Variants in BBX observed in about 807,000 individuals in gnomAD.
The protein encoded by BBX is BBX high mobility group box domain containing, also known as HMG box transcription factor BBX.
BBX carries 30 observed loss-of-function variants against 100.2 expected under a neutral mutation model. The ratio of observed to expected loss-of-function variants is 0.30; its 90% CI spans 0.22 to 0.41. BBX has a LOEUF of 0.41. BBX is among the 10% of genes least tolerant of loss of function. The pLI is 1.00. For synonymous variants in BBX, 376 were observed against 388.1 expected (o/e 0.97, Z 0.37); for missense variants, 1,023 against 1,129.8 (o/e 0.91, Z 1.35).
chr3:107,707,991 T>C (rs894746578), intron 3 of BBX, among the ~76,000 whole-genome samples: 13 of 152,200 alleles, frequency 8.5e-5, no homozygotes, highest in Non-Finnish European at 4.4e-5. Context: ...TGATTTCTTT[T>C]ACTGTTTAAA....
At chr3:107,604,223 A>G (rs2054267953) in intron 2 of BBX, among the ~76,000 whole-genome samples, 1 of 152,108 alleles carries the variant, frequency 6.6e-6, no homozygotes, top group Admixed American at 6.6e-5. Context: ...TTGCCTGAAC[A>G]TTCCTAGTGC....
At chr3:107,640,612 C>G (rs1276287978) in intron 2 of BBX, among the ~76,000 whole-genome samples, 2 of 151,782 alleles carry the variant, frequency 1.3e-5, no homozygotes, top group East Asian at 3.8e-4. Context: ...GATCACCCAA[C>G]TAGATCTCAT....
chr3:107,746,243 G>A (rs2064591075), intron 8 of BBX, among the ~76,000 whole-genome samples: 1 of 152,088 alleles, frequency 6.6e-6, no homozygotes, highest in Admixed American at 6.6e-5. Context: ...AGGGTTGGTA[G>A]GGATGAAAAG....
intron 10 of BBX, among the ~76,000 whole-genome samples, chr3:107,761,088 C>T (rs746221668): frequency 2.0e-5 from 3 of 152,162 alleles, no homozygotes; most frequent in Non-Finnish European, 4.4e-5. Context: ...TAAATTTGCT[C>T]ATTTCCCTCC....
intron 3 of BBX, among the ~76,000 whole-genome samples, chr3:107,649,448 A>G (rs545745179): frequency 2.5e-4 from 38 of 152,326 alleles, no homozygotes; most frequent in Admixed American, 2.2e-3. Flanking sequence ...TCATTGTAGT[A>G]TAGGGCTAAT....
At chr3:107,741,665 T>C (rs561927468) in intron 7 of BBX, among the ~76,000 whole-genome samples, 126 of 152,330 alleles carry the variant, frequency 8.3e-4, no homozygotes, top group African/African-American at 2.9e-3. Context: ...AGCATAGGAA[T>C]AGATATTACA....
chr3:107,605,087 C>T (rs1450803508), intron 2 of BBX, among the ~76,000 whole-genome samples: 2 of 152,158 alleles, frequency 1.3e-5, no homozygotes, highest in Non-Finnish European at 2.9e-5. Flanking sequence ...TACATGATAA[C>T]CATTGCATTC....
intron 13 of BBX, among the ~76,000 whole-genome samples, chr3:107,779,235 C>T (rs563376561): frequency 1.3e-5 from 2 of 151,712 alleles, no homozygotes; most frequent in African/African-American, 4.8e-5. Flanking sequence ...TCAGTGCTCT[C>T]ATCACCTGAG....
At chr3:107,697,853 C>T (rs9879617) in intron 3 of BBX, among the ~76,000 whole-genome samples, 2 of 151,818 alleles carry the variant, frequency 1.3e-5, no homozygotes, top group South Asian at 2.1e-4. Context: ...AGGGAGACTC[C>T]GTGGGCGTAC....
At chr3:107,651,232 A>T (rs900957296) in intron 3 of BBX, among the ~76,000 whole-genome samples, 8 of 152,310 alleles carry the variant, frequency 5.3e-5, no homozygotes, top group African/African-American at 1.7e-4. Context: ...TTTCTACGTG[A>T]TTTAGTCTAT....
intron 3 of BBX, among the ~76,000 whole-genome samples, chr3:107,695,771 G>C (rs1244779318): frequency 6.6e-6 from 1 of 151,422 alleles, no homozygotes; most frequent in African/African-American, 2.4e-5. Context: ...CTGTCTTGTT[G>C]ATCTGTCTAA....
intron 3 of BBX, among the ~76,000 whole-genome samples, chr3:107,661,144 G>A (rs1382643752): frequency 6.6e-6 from 1 of 151,986 alleles, no homozygotes; most frequent in African/African-American, 2.4e-5. Flanking sequence ...ATATTTTTAT[G>A]CAGATTTTTT....
chr3:107,747,334 C>A (rs17206814), intron 8 of BBX, among the ~76,000 whole-genome samples: 20,873 of 152,154 alleles, frequency 0.14, 1,823 homozygotes, highest in South Asian at 0.28. Flanking sequence ...GTTCTGGTGC[C>A]ATGCTAGGTA....
At chr3:107,638,780 TACAC>T (rs61081300) in intron 2 of BBX, among the ~76,000 whole-genome samples, 8,039 of 99,150 alleles carry the variant, frequency 0.081, 565 homozygotes, top group Middle Eastern at 0.12. Flanking sequence ...AAAAAAAGTA[TACAC>T]ACACACACAC....
intron 10 of BBX, among the ~76,000 whole-genome samples, chr3:107,772,391 G>A (rs1176570121): frequency 6.6e-6 from 1 of 152,214 alleles, no homozygotes; most frequent in Non-Finnish European, 1.5e-5. Context: ...TTCTGTTGAA[G>A]CTAGAAAATG....
intron 3 of BBX, among the ~76,000 whole-genome samples, chr3:107,676,672 T>C (rs2059297237): frequency 6.6e-6 from 1 of 152,168 alleles, no homozygotes; most frequent in African/African-American, 2.4e-5. Context: ...AGGAGATAAC[T>C]GGGCTGTTCC....
intron 2 of BBX, among the ~76,000 whole-genome samples, chr3:107,627,402 A>G (rs1026936711): frequency 3.3e-5 from 5 of 152,170 alleles, no homozygotes; most frequent in African/African-American, 1.2e-4. Flanking sequence ...TGAGATTGTT[A>G]TTGTAATTGG....
chr3:107,701,431 A>G lies in BBX; in HGVS notation c.-9-9021A>G, dbSNP rs370847978. ...TCTTTCGCCTAGAGTTGTATTAAGG[A>G]TTAAAGAAATTAATTCATGTAAAGT... is the stretch of plus-strand genomic sequence containing the variant. On this transcript the variant is annotated intron_variant, in intron 3 of 17. Coordinates refer to ENST00000325805, the MANE Select transcript of BBX (RefSeq NM_001142568.3). 2.6e-5 allele frequency among the ~76,000 whole-genome samples: 4 copies of G among 152,310 alleles called. No individual in the cohort carries two copies. The East Asian group carries it at 5.8e-4, about 22-fold the overall frequency.
At position 107,734,716 on chromosome 3, in the gene BBX, T is replaced by A. The variant is rs528048071; in HGVS notation, c.669+1693T>A. Among the ~76,000 whole-genome samples, 108 of 152,316 alleles carry A rather than the reference T, an allele frequency of 7.1e-4. 1 individual carries two copies. Among genetic ancestry groups the A allele is most frequent in the Admixed American group, 1.6e-3 (24 of 15,288 alleles). On this transcript the variant is annotated intron_variant, in intron 7 of 17. Transcript: ENST00000325805. Reference sequence around the variant, plus strand: ...ACAAATGTAAACAAATCAACGTCTGTAGAACTCATGGATGCTAGTCAAAGA... The same window carrying A: ...ACAAATGTAAACAAATCAACGTCTGAAGAACTCATGGATGCTAGTCAAAGA...
Sources: allele counts gnomAD v4.1 joint callset (sites outside exome capture counted in the v4.1 genomes callset), GRCh38; gene constraint gnomAD v4.1.1; transcripts MANE v1.5; gene names NCBI Gene and HGNC (gene_info 2026-07-23, HGNC 2026-07-21).